Variants in THSD4 observed in about 807,000 individuals in gnomAD.
The protein encoded by THSD4 is thrombospondin type 1 domain containing 4, also known as thrombospondin type-1 domain-containing protein 4.
Under a neutral mutation model 119.0 loss-of-function variants are expected in THSD4, and 69 were observed. That is an observed-to-expected ratio of 0.58 (90% confidence interval 0.48 to 0.71). THSD4 has a LOEUF of 0.71. Ranked by LOEUF, THSD4 falls within the 30% of genes least tolerant of loss-of-function variation. The probability of loss-of-function intolerance (pLI) is 0.00; values close to 1 mark genes in which losing one functional copy is unlikely to be tolerated. For missense variants in THSD4, 1,393 were observed against 1,391.1 expected, an observed-to-expected ratio of 1.00 and a Z score of -0.02; for synonymous variants, 524 against 540.4, an observed-to-expected ratio of 0.97 and a Z score of 0.42.
At chr15:71,686,496 C>T (rs1250018879) in intron 8 of THSD4, among the ~76,000 whole-genome samples, 1 of 152,220 alleles carries the variant, frequency 6.6e-6, no homozygotes, top group Non-Finnish European at 1.5e-5. Context: ...AGCACTGCCT[C>T]TTCATCACTT....
intron 8 of THSD4, among the ~76,000 whole-genome samples, chr15:71,708,302 T>G (rs2052432845): frequency 6.6e-6 from 1 of 152,226 alleles, no homozygotes; most frequent in Non-Finnish European, 1.5e-5. Flanking sequence ...GACAGTTTTA[T>G]GACTGTTTTT....
chr15:71,215,382 A>C lies in THSD4; in HGVS notation c.447A>C (p.Glu149Asp). 1 of 1,530,946 alleles carries C rather than the reference A, an allele frequency of 6.5e-7. No homozygotes were observed. The highest frequency in any genetic ancestry group is 8.7e-7 in the Non-Finnish European group (1 of 1,144,576). 94.8% of individuals were successfully genotyped at this position (1,530,946 alleles called of 1,614,324 possible). ...GSRHPQPQGL[E>D]VTGDRRSRTR... ...GGCACCCACAGCCCCAGGGCCTCGA[A>C]GTCACTGGGGACAGAAGGTACACGC... Residue 149 changes from glutamate (E) to aspartate (D), a missense_variant, in exon 4 of 18, where the codon GAA becomes GAC. Coordinates refer to ENST00000261862, the MANE Select transcript of THSD4 (RefSeq NM_024817.3).
intron 1 of THSD4, among the ~76,000 whole-genome samples, chr15:71,141,006 A>T (rs1321193967): frequency 6.6e-6 from 1 of 152,260 alleles, no homozygotes; most frequent in Non-Finnish European, 1.5e-5. Flanking sequence ...TTCAAGGTTC[A>T]TCCCCATTGT....
chr15:71,318,739 G>A (rs939977162), intron 6 of THSD4, among the ~76,000 whole-genome samples: 3 of 152,154 alleles, frequency 2.0e-5, no homozygotes, highest in African/African-American at 7.2e-5. Context: ...GGAAGCAGGA[G>A]CAATGAATCT....
rs141401735 is a variant in THSD4 at position 71,421,108 on chromosome 15, A to G, written c.1152+9285A>G. ...CAGGAGGCAGAAGTTGTAGTGAGCC[A>G]AGATGGTACCACTGCACTCCAGCCT... On this transcript the variant is annotated intron_variant, in intron 7 of 17. Transcript: ENST00000261862. Among the ~76,000 whole-genome samples, 721 of 79,760 alleles carry G rather than the reference A, an allele frequency of 9.0e-3. 161 individuals are homozygous for G. Among genetic ancestry groups the G allele is most frequent in the African/African-American group, 0.029 (690 of 23,640 alleles). The allele number at this position is 79,760 out of a possible 152,430, so 52.3% of individuals were successfully genotyped here.
chr15:71,706,964 A>G (rs887735923), intron 8 of THSD4, among the ~76,000 whole-genome samples: 5 of 152,048 alleles, frequency 3.3e-5, no homozygotes, highest in Non-Finnish European at 7.4e-5. Flanking sequence ...AGAGTGGGAG[A>G]TAAGAGATGG....
chr15:71,663,251 C>CAA (rs59067309), intron 8 of THSD4, among the ~76,000 whole-genome samples: 1,579 of 146,412 alleles, frequency 0.011, 32 homozygotes, highest in African/African-American at 0.034. Flanking sequence ...GACACTATAT[C>CAA]AAAAAAAAAA....
intron 6 of THSD4, among the ~76,000 whole-genome samples, chr15:71,297,422 G>A (rs2044881274): frequency 6.6e-6 from 1 of 151,034 alleles, no homozygotes; most frequent in African/African-American, 2.4e-5. Context: ...TGCAACCTCT[G>A]CCTCCCAGGT....
intron 10 of THSD4, 53 bp from the exon 11 acceptor site, chr15:71,737,679 A>G: frequency 7.9e-6 from 12 of 1,520,414 alleles, no homozygotes; most frequent in Admixed American, 2.2e-5. Flanking sequence ...CCTCTTTACA[A>G]CTCAGGGTCT....
intron 7 of THSD4, among the ~76,000 whole-genome samples, chr15:71,473,113 A>G (rs931901893): frequency 3.5e-4 from 53 of 150,380 alleles, no homozygotes; most frequent in African/African-American, 1.3e-3. Context: ...CTGGAGTACA[A>G]TGGTGTGATC....
chr15:71,130,683 ATTAG>A (rs774790050), intron 1 of THSD4, among the ~76,000 whole-genome samples: 17 of 152,332 alleles, frequency 1.1e-4, no homozygotes, highest in Middle Eastern at 3.4e-3. Flanking sequence ...TGTCTTTAGA[ATTAG>A]TTAATGTTTA....
intron 7 of THSD4, among the ~76,000 whole-genome samples, chr15:71,453,249 C>T (rs1403314631): frequency 6.6e-6 from 1 of 152,218 alleles, no homozygotes; most frequent in Non-Finnish European, 1.5e-5. Flanking sequence ...GACATTGCCT[C>T]ATGCCGTAGC....
intron 1 of THSD4, among the ~76,000 whole-genome samples, chr15:71,126,793 G>T (rs1282473707): frequency 1.3e-5 from 2 of 152,210 alleles, no homozygotes; most frequent in Non-Finnish European, 2.9e-5. Context: ...TCAAAAAATT[G>T]TAAAACATTT....
At chr15:71,777,198 C>G (rs758496864) in intron 17 of THSD4, 34 bp from the exon 18 acceptor site, 12 of 1,613,834 alleles carry the variant, frequency 7.4e-6, no homozygotes, top group Non-Finnish European at 9.3e-6. Flanking sequence ...CTCTTGTGCT[C>G]AGGGAGTCTT....
chr15:71,749,675 T>A (rs900720734), intron 14 of THSD4, among the ~76,000 whole-genome samples: 7 of 143,258 alleles, frequency 4.9e-5, no homozygotes, highest in East Asian at 4.2e-4. Flanking sequence ...TTCTTTTTTT[T>A]AATATTTTTA....
At chr15:71,325,535 A>G (rs1028546770) in intron 6 of THSD4, among the ~76,000 whole-genome samples, 1 of 152,212 alleles carries the variant, frequency 6.6e-6, no homozygotes, top group Non-Finnish European at 1.5e-5. Flanking sequence ...TGTCCAGCTA[A>G]TGTTCTAAGG....
At chr15:71,235,584 T>TCTC (rs59735483) in intron 4 of THSD4, among the ~76,000 whole-genome samples, 1 of 100,308 alleles carries the variant, frequency 1.0e-5, no homozygotes, top group African/African-American at 3.7e-5. Flanking sequence ...CACCTCTCTC[T>TCTC]TTTTTTTTTT....
chr15:71,284,092 G>T (rs566861804), intron 6 of THSD4, among the ~76,000 whole-genome samples: 17 of 152,286 alleles, frequency 1.1e-4, no homozygotes, highest in Middle Eastern at 3.4e-3. Flanking sequence ...GACTCGAATG[G>T]ATGAGAACCC....
intron 5 of THSD4, among the ~76,000 whole-genome samples, chr15:71,246,687 A>G (rs2140278203): frequency 6.6e-6 from 1 of 152,200 alleles, no homozygotes; most frequent in Admixed American, 6.5e-5. Context: ...TTCATGTAAG[A>G]TTTCTGAATG....
Sources: allele counts gnomAD v4.1 joint callset (sites outside exome capture counted in the v4.1 genomes callset), GRCh38; gene constraint gnomAD v4.1.1; transcripts MANE v1.5; gene names NCBI Gene and HGNC (gene_info 2026-07-23, HGNC 2026-07-21).